Variants in GABRA5 observed in about 807,000 individuals in gnomAD.
The protein encoded by GABRA5 is gamma-aminobutyric acid receptor subunit alpha-5.
In GABRA5, 18 loss-of-function variants were observed where a neutral mutation model predicts 47.3. The ratio of observed to expected loss-of-function variants is 0.38; its 90% CI spans 0.26 to 0.56. The LOEUF (loss-of-function observed/expected upper bound fraction) is 0.56. GABRA5 is among the 20% of genes least tolerant of loss of function. The pLI, the probability that GABRA5 is intolerant of heterozygous loss-of-function variation, is 0.71. For missense variants in GABRA5, 365 were observed against 599.3 expected (o/e 0.61, Z 4.08); for synonymous variants, 237 against 229.3 (o/e 1.03, Z -0.30).
At chr15:26,882,266 C>T (rs908598228) in intron 4 of GABRA5, among the ~76,000 whole-genome samples, 74 of 152,134 alleles carry the variant, frequency 4.9e-4, no homozygotes, top group African/African-American at 1.7e-3. Context: ...GAAAGCCTCC[C>T]GGGCCACCCT....
intron 6 of GABRA5, among the ~76,000 whole-genome samples, chr15:26,911,398 A>AACACACACAAACACACACAAACACACAC (rs1555391773): frequency 1.0e-5 from 1 of 96,782 alleles, no homozygotes; most frequent in Non-Finnish European, 2.1e-5. Flanking sequence ...CACACACACA[A>AACACACACAAACACACACAAACACACAC]ACACACACAC....
At chr15:26,912,841 T>C (rs1276869967) in intron 6 of GABRA5, among the ~76,000 whole-genome samples, 3 of 152,200 alleles carry the variant, frequency 2.0e-5, no homozygotes, top group Non-Finnish European at 4.4e-5. Context: ...TGGTCGATGT[T>C]TATAATTATC....
chr15:26,891,689 G>T (rs1893010338), intron 6 of GABRA5, among the ~76,000 whole-genome samples: 1 of 152,184 alleles, frequency 6.6e-6, no homozygotes, highest in Admixed American at 6.5e-5. Flanking sequence ...GGTCTGCGCG[G>T]CCTTGAGGTT....
rs948672134 is a variant in GABRA5, at chr15:26,921,394, T to G, written c.580+6509T>G. 2.6e-5 allele frequency among the ~76,000 whole-genome samples: 4 copies of G among 152,268 alleles called. No individual in the cohort carries two copies. In the East Asian group the frequency reaches 7.7e-4, roughly 29 times the overall value. ...TTATTTTATCTAAGTTATATTAAAT[T>G]TGTGTAGAGTTGTTCATAGTTGTTA... On this transcript the variant is annotated intron_variant, in intron 7 of 10. Coordinates refer to ENST00000335625, the MANE Select transcript of GABRA5 (RefSeq NM_000810.4).
In GABRA5 at chr15:26,883,118, C is replaced by G. The variant is rs1171648194; in HGVS notation, c.209-48C>G. 1.4e-6 allele frequency: 2 copies of G among 1,479,828 alleles called. No individual in the cohort carries two copies. Among genetic ancestry groups the G allele is most frequent in the African/African-American group, 1.4e-5 (1 of 72,366 alleles). The allele number at this position is 1,479,828 out of a possible 1,614,324, so 91.7% of individuals were successfully genotyped here. A position where few individuals can be genotyped will look rare whatever the true frequency, so the allele number is the denominator to read the frequency against. On this transcript the variant is annotated intron_variant, in intron 4 of 10. Coordinates refer to ENST00000335625, the MANE Select transcript of GABRA5 (RefSeq NM_000810.4). This position sits in a 1 kb window ranked among gnomAD's most constrained non-coding sequence, Gnocchi z 4.8. ...ACTGAGAGCACGAGAGTGTGCCAGA[C>G]GCGCAGGGTGGGTCGGTGCAGCCCA...
At chr15:26,919,203 C>T (rs1050507155) in intron 7 of GABRA5, among the ~76,000 whole-genome samples, 1 of 152,108 alleles carries the variant, frequency 6.6e-6, no homozygotes, top group Non-Finnish European at 1.5e-5. Context: ...TTCAAACTCT[C>T]TTGTGTCTTT....
chr15:26,888,675 A>G (rs1044443658), intron 6 of GABRA5, among the ~76,000 whole-genome samples: 5 of 152,230 alleles, frequency 3.3e-5, no homozygotes, highest in South Asian at 2.1e-4. Context: ...TCTGACATAC[A>G]TACACCATTA....
intron 10 of GABRA5, among the ~76,000 whole-genome samples, chr15:26,943,836 G>A (rs947397466): frequency 3.3e-5 from 5 of 152,004 alleles, no homozygotes; most frequent in Admixed American, 2.6e-4. Flanking sequence ...GCACACCCAA[G>A]CCCCACCGAG....
At chr15:26,895,812 CAAAA>C (rs376170037) in intron 6 of GABRA5, among the ~76,000 whole-genome samples, 15 of 123,260 alleles carry the variant, frequency 1.2e-4, no homozygotes, top group South Asian at 1.1e-3. Flanking sequence ...AAGACTCCGT[CAAAA>C]AAAAAAAAAA....
At chr15:26,920,004 G>A (rs1893806429) in intron 7 of GABRA5, among the ~76,000 whole-genome samples, 1 of 151,430 alleles carries the variant, frequency 6.6e-6, no homozygotes, top group South Asian at 2.1e-4. Context: ...TATAACAACT[G>A]GCTTCTCTCT....
Position 26,868,397 on chromosome 15 carries a change from T to C in GABRA5, c.-139-332T>C, listed in dbSNP as rs1234865465. On this transcript the variant is annotated intron_variant, in intron 1 of 10. Transcript: ENST00000335625. The stretch of plus-strand genomic sequence containing the variant: ...GCGGGGGATGGGGGTTGGGGGGGCT[T>C]CTTGGGAAAATGCTTCTTTTCGAAG... Among the ~76,000 whole-genome samples the C allele has an allele frequency of 3.3e-5, 5 of 152,228 alleles. No individual in the cohort carries two copies. The East Asian group carries it at 9.7e-4, about 30-fold the overall frequency.
chr15:26,936,003 G>A (rs1894231513), intron 7 of GABRA5, among the ~76,000 whole-genome samples: 1 of 152,180 alleles, frequency 6.6e-6, no homozygotes, highest in Non-Finnish European at 1.5e-5. Flanking sequence ...GGCGGGACTA[G>A]TAGAGGTAAT....
At chr15:26,933,245 G>C (rs1894152550) in intron 7 of GABRA5, among the ~76,000 whole-genome samples, 1 of 152,160 alleles carries the variant, frequency 6.6e-6, no homozygotes, top group Non-Finnish European at 1.5e-5. Flanking sequence ...AGAGCAGGGT[G>C]GTGGCCAGAT....
chr15:26,921,107 C>A (rs1402957968), intron 7 of GABRA5, among the ~76,000 whole-genome samples: 1 of 151,592 alleles, frequency 6.6e-6, no homozygotes, highest in African/African-American at 2.4e-5. Flanking sequence ...TTTATAATAT[C>A]TTTTGTTTTG....
intron 6 of GABRA5, among the ~76,000 whole-genome samples, chr15:26,894,114 G>GC (rs1211290040): frequency 6.6e-6 from 1 of 152,136 alleles, no homozygotes; most frequent in Non-Finnish European, 1.5e-5. Context: ...GAGCGCAGCG[G>GC]CCCGGGCAGA....
At chr15:26,903,226 C>T (rs9672890) in intron 6 of GABRA5, among the ~76,000 whole-genome samples, 68,707 of 151,970 alleles carry the variant, frequency 0.45, 16,409 homozygotes, top group Middle Eastern at 0.55. Context: ...CTTTCTGTTG[C>T]TGTGTCAGTT....
chr15:26,868,154 C>A (rs975903647), intron 1 of GABRA5: 1 of 151,978 alleles, frequency 6.6e-6, no homozygotes, highest in Non-Finnish European at 1.5e-5. Flanking sequence ...TCCTGGGGGT[C>A]CCTGGCTCGG....
At chr15:26,924,224 G>A (rs569830366) in intron 7 of GABRA5, among the ~76,000 whole-genome samples, 4 of 149,218 alleles carry the variant, frequency 2.7e-5, no homozygotes, top group African/African-American at 9.9e-5. Flanking sequence ...TTACCACTGG[G>A]TCAGGGTAGA....
At chr15:26,943,574 C>T (rs889909922) in intron 10 of GABRA5, 148 bp downstream of exon 10, 3 of 713,642 alleles carry the variant, frequency 4.2e-6, no homozygotes, top group Non-Finnish European at 7.1e-6. Context: ...CTTACCAAGT[C>T]TTACTGACAA....
Sources: gnomAD v4.1 joint callset for allele counts (sites outside exome capture counted in the v4.1 genomes callset) on GRCh38, gnomAD v4.1.1 for gene constraint, Gnocchi (gnomAD v3.1) non-coding constraint, MANE v1.5 for transcripts, NCBI Gene and HGNC (gene_info 2026-07-23, HGNC 2026-07-21) for gene names.